AKAP19: variants seen among roughly 807,000 people sequenced by gnomAD.
The protein encoded by AKAP19 is A-kinase anchoring protein 19, also known as small A-kinase anchoring protein.
chr2:190,057,912 G>A, the AKAP19 span, among the ~76,000 whole-genome samples: 4 of 152,010 alleles, frequency 2.6e-5, no homozygotes, highest in South Asian at 8.3e-4. Context: ...AGATTGCCTG[G>A]CACATAATGG....
the AKAP19 span, among the ~76,000 whole-genome samples, chr2:190,138,076 T>C: frequency 6.6e-6 from 1 of 152,354 alleles, no homozygotes; most frequent in East Asian, 1.9e-4. Flanking sequence ...GGTCTAGGAT[T>C]ACACCCAGGT....
At chr2:189,909,864 A>G in the AKAP19 span, among the ~76,000 whole-genome samples, 1 of 152,032 alleles carries the variant, frequency 6.6e-6, no homozygotes, top group African/African-American at 2.4e-5. Context: ...TCTTGTATGT[A>G]TCATCCACTT....
At chr2:189,961,047 C>T in the AKAP19 span, among the ~76,000 whole-genome samples, 1 of 152,100 alleles carries the variant, frequency 6.6e-6, no homozygotes, top group African/African-American at 2.4e-5. Flanking sequence ...TGTCTTTGAT[C>T]AATATTTAGA....
chr2:189,900,782 A>G, the AKAP19 span, among the ~76,000 whole-genome samples: 4 of 152,160 alleles, frequency 2.6e-5, no homozygotes. Flanking sequence ...GGTTTATTAG[A>G]GAAAGTATGA....
the AKAP19 span, among the ~76,000 whole-genome samples, chr2:189,916,724 T>C: frequency 6.6e-6 from 1 of 152,212 alleles, no homozygotes; most frequent in African/African-American, 2.4e-5. Flanking sequence ...ACTTTTATGA[T>C]TGGCTTCTTT....
the AKAP19 span, chr2:190,057,256 T>C: frequency 1.5e-5 from 24 of 1,612,948 alleles, no homozygotes; most frequent in Non-Finnish European, 2.0e-5. Context: ...TTAATATAAA[T>C]CTCATGAGCA....
the AKAP19 span, chr2:189,931,002 G>C: frequency 1.3e-6 from 1 of 793,914 alleles, no homozygotes; most frequent in African/African-American, 1.7e-5. Flanking sequence ...ATTTGAGGCA[G>C]TTCCCCATCT....
At chr2:189,926,875 G>A in the AKAP19 span, among the ~76,000 whole-genome samples, 1 of 151,720 alleles carries the variant, frequency 6.6e-6, no homozygotes, top group Non-Finnish European at 1.5e-5. Flanking sequence ...GAGCCACTGC[G>A]CCCGGCCTAA....
At chr2:189,899,929 C>G in the AKAP19 span, among the ~76,000 whole-genome samples, 1 of 151,984 alleles carries the variant, frequency 6.6e-6, no homozygotes, top group African/African-American at 2.4e-5. Context: ...GATACAATTT[C>G]TATCCTTTAA....
chr2:189,916,329 C>CTT, the AKAP19 span, among the ~76,000 whole-genome samples: 3 of 106,560 alleles, frequency 2.8e-5, no homozygotes, highest in African/African-American at 9.6e-5. Context: ...TCTTTTTCTT[C>CTT]TTTTTTTTTT....
the AKAP19 span, among the ~76,000 whole-genome samples, chr2:190,161,823 C>T: frequency 6.6e-6 from 1 of 152,062 alleles, no homozygotes; most frequent in East Asian, 1.9e-4. Context: ...AAAGAAAAGA[C>T]CCATATTCAG....
At chr2:189,962,125 G>A in the AKAP19 span, among the ~76,000 whole-genome samples, 2 of 152,092 alleles carry the variant, frequency 1.3e-5, no homozygotes, top group Non-Finnish European at 2.9e-5. Context: ...GGTTCCATAA[G>A]ATTATAATAC....
At chr2:190,128,777 A>C in the AKAP19 span, among the ~76,000 whole-genome samples, 1 of 152,262 alleles carries the variant, frequency 6.6e-6, no homozygotes, top group Non-Finnish European at 1.5e-5. Flanking sequence ...TCAATGTAGA[A>C]ATGTATAAAG....
chr2:190,189,918 TAGAAA>T, the AKAP19 span: 1 of 152,220 alleles, frequency 6.6e-6, no homozygotes, highest in Admixed American at 6.5e-5. Flanking sequence ...CAGGCCAATG[TAGAAA>T]GGAAGCAGCA....
chr2:190,048,294 A>T, the AKAP19 span, among the ~76,000 whole-genome samples: 1 of 152,216 alleles, frequency 6.6e-6, no homozygotes, highest in Non-Finnish European at 1.5e-5. Context: ...AACAGTAGTC[A>T]CATCTCTCTT....
the AKAP19 span, among the ~76,000 whole-genome samples, chr2:189,931,394 C>G: frequency 1.3e-5 from 2 of 152,238 alleles, no homozygotes; most frequent in East Asian, 3.9e-4. Context: ...CAGAGTCGCA[C>G]TCTGTCACCC....
chr2:190,023,795 GTATATATATATATA>G, the AKAP19 span, among the ~76,000 whole-genome samples: 1 of 142,834 alleles, frequency 7.0e-6, no homozygotes, highest in Non-Finnish European at 1.5e-5. Flanking sequence ...ATGTGTGTGT[GTATATATATATATA>G]TATATATATA....
At chr2:189,973,967 G>T in the AKAP19 span, among the ~76,000 whole-genome samples, 3,511 of 152,026 alleles carry the variant, frequency 0.023, 134 homozygotes, top group African/African-American at 0.08. Flanking sequence ...GTTTTTTTGT[G>T]TCTCTATTTC....
the AKAP19 span, among the ~76,000 whole-genome samples, chr2:190,017,945 T>A: frequency 6.6e-6 from 1 of 152,196 alleles, no homozygotes; most frequent in East Asian, 1.9e-4. Context: ...GGTTGGTAAA[T>A]TTTTCCCTTC....
Sources: gnomAD v4.1 joint callset for allele counts (sites outside exome capture counted in the v4.1 genomes callset) on GRCh38, gnomAD v4.1.1 for gene constraint, MANE v1.5 for transcripts, NCBI Gene and HGNC (gene_info 2026-07-23, HGNC 2026-07-21) for gene names.